Variants in ZNF320 observed in about 807,000 individuals in gnomAD.
The protein encoded by ZNF320 is zinc finger gene 320.
ZNF320 carries 2 observed loss-of-function variants against 6.8 expected under a neutral mutation model. The ratio of observed to expected loss-of-function variants is 0.29; its 90% CI spans 0.12 to 0.93. ZNF320 has a LOEUF of 0.93. Among genes scored for constraint, ZNF320 ranks in the 40% least tolerant of loss-of-function variants. The pLI is 0.55. For synonymous variants in ZNF320, 208 were observed against 203.2 expected, an observed-to-expected ratio of 1.02 and a Z score of -0.20; for missense variants, 472 against 611.0, an observed-to-expected ratio of 0.77 and a Z score of 2.40.
At chr19:52,890,147 A>C in intron 4 of ZNF320, 94 bp downstream of exon 4, 1 of 1,542,704 alleles carries the variant, frequency 6.5e-7, no homozygotes, top group Non-Finnish European at 8.9e-7. Context: ...CCTGTCAGGC[A>C]GGATGCTTCA....
In ZNF320 at chr19:52,880,757, T is replaced by C. The variant is rs1001878850; in HGVS notation, c.1369A>G (p.Ile457Val). The C allele has an allele frequency of 3.1e-6, 5 of 1,613,840 alleles. No individual in the cohort carries two copies. The African/African-American group carries it at 5.3e-5, about 17-fold the overall frequency. The stretch of plus-strand genomic sequence containing the variant: ...CCAGTATGGATTCTCTGATGCCTAA[T>C]AAGGTGTGAAGGTGAATTAAAGGCT... Reference protein sequence around the residue: ...GKAFNSPSHLIRHQRIHTGQK... With the variant: ...GKAFNSPSHLVRHQRIHTGQK... The change falls in exon 6 of 6, where the codon ATT (isoleucine) becomes GTT (valine). Residue 457 changes from isoleucine (I) to valine (V), a missense_variant. Coordinates refer to ENST00000682928, the MANE Select transcript of ZNF320 (RefSeq NM_001351774.2).
rs567527517 is a variant in ZNF320 at position 52,879,739 on chromosome 19, T to C, written c.*857A>G. The C allele has an allele frequency of 6.6e-6, 1 of 152,322 alleles. No homozygotes were observed. The highest frequency in any genetic ancestry group is 2.4e-5 in the African/African-American group (1 of 41,572). 9.4% of individuals were successfully genotyped at this position (152,322 alleles called of 1,614,324 possible). Reference sequence around the variant, plus strand: ...AACTGGAACTAAAAAACATATGCAGTGGATTTGAAGAATAGAATAACAGCA... The same window carrying C: ...AACTGGAACTAAAAAACATATGCAGCGGATTTGAAGAATAGAATAACAGCA... On this transcript the variant is annotated 3_prime_UTR_variant, in exon 6 of 6. Transcript: ENST00000682928.
At chr19:52,860,514 G>C (rs1288265052), downstream of ZNF320, among the ~76,000 whole-genome samples, 5 of 149,170 alleles carry the variant, frequency 3.4e-5, no homozygotes, top group South Asian at 2.1e-4. Flanking sequence ...AAGTAGAATC[G>C]CTTGAACTTG....
At chr19:52,864,293 A>ACAT (rs1467944068) in intron 5 of ZNF320, 2 of 154,810 alleles carry the variant, frequency 1.3e-5, no homozygotes, top group South Asian at 2.0e-4. Flanking sequence ...GTATTTTTGA[A>ACAT]CATCTTTTCT....
At chr19:52,862,723 C>T in exon 6 of ZNF320, 1 of 445,862 alleles carries the variant, frequency 2.2e-6, no homozygotes, top group Non-Finnish European at 4.3e-6. Flanking sequence ...GTGAATTGAG[C>T]CCAAAAACCT....
Position 52,879,053 on chromosome 19 carries a change from C to T in ZNF320, c.*1543G>A, listed in dbSNP as rs956822649. 5.3e-5 allele frequency: 8 copies of T among 152,182 alleles called. No homozygotes were observed. The highest frequency in any genetic ancestry group is 1.9e-4 in the African/African-American group (8 of 41,446). 9.4% of individuals were successfully genotyped at this position (152,182 alleles called of 1,614,324 possible). A position where few individuals can be genotyped will look rare whatever the true frequency, so the allele number is the denominator to read the frequency against. ...AATTTACATTGCCTTGATTGAGTCT[C>T]TTTTCAAACTCATGTCTTACCCATC... On this transcript the variant is annotated 3_prime_UTR_variant, in exon 6 of 6. Coordinates refer to ENST00000682928, the MANE Select transcript of ZNF320 (RefSeq NM_001351774.2).
At chr19:52,885,700 G>A (rs939784040) in intron 5 of ZNF320, among the ~76,000 whole-genome samples, 3 of 151,490 alleles carry the variant, frequency 2.0e-5, no homozygotes, top group Non-Finnish European at 4.4e-5. Context: ...TGGGAAACAG[G>A]AGTGAAACTC....
At chr19:52,887,013 A>G (rs200176960) in intron 5 of ZNF320, among the ~76,000 whole-genome samples, 1 of 143,248 alleles carries the variant, frequency 7.0e-6, no homozygotes, top group African/African-American at 2.6e-5. Flanking sequence ...AAGGAAAAGA[A>G]AAAACAAAAC....
In ZNF320 at chr19:52,877,617, C is replaced by T. The variant is rs1406598947; in HGVS notation, c.*2979G>A. ...TTTAGGGTGGAGATCTTGAGGTTCC[C>T]GGTTTGGGAGGGGCATATGTAGCTT... On this transcript the variant is annotated 3_prime_UTR_variant, in exon 6 of 6. Coordinates refer to ENST00000682928, the MANE Select transcript of ZNF320 (RefSeq NM_001351774.2). The T allele has an allele frequency of 1.3e-5, 2 of 152,142 alleles. No individual in the cohort carries two copies. The highest frequency in any genetic ancestry group is 2.9e-5 in the Non-Finnish European group (2 of 68,034). 9.4% of individuals were successfully genotyped at this position (152,142 alleles called of 1,614,324 possible).
At chr19:52,865,725 T>TTA (rs1210132039) in intron 5 of ZNF320, among the ~76,000 whole-genome samples, 1 of 110,694 alleles carries the variant, frequency 9.0e-6, no homozygotes, top group African/African-American at 3.9e-5. Flanking sequence ...ATACACATAT[T>TTA]TATATATATG....
chr19:52,882,246 G>C (rs1425327615), intron 5 of ZNF320, among the ~76,000 whole-genome samples: 1 of 152,096 alleles, frequency 6.6e-6, no homozygotes, highest in East Asian at 1.9e-4. Flanking sequence ...CTAAAGTAAG[G>C]AGTATTTTTC....
At chr19:52,889,400 C>G (rs1461699409) in intron 4 of ZNF320, among the ~76,000 whole-genome samples, 2 of 151,584 alleles carry the variant, frequency 1.3e-5, no homozygotes, top group Non-Finnish European at 2.9e-5. Context: ...TGCAGTAAGC[C>G]AAGATCATGC....
Position 52,897,579 on chromosome 19 carries a change from G to T in ZNF320, c.-329C>A, listed in dbSNP as rs1006722319. On this transcript the variant is annotated 5_prime_UTR_variant, in exon 1 of 6. Coordinates refer to ENST00000682928, the MANE Select transcript of ZNF320 (RefSeq NM_001351774.2). ...GGGGCCGCAATTTCCAGGTCTGTGG[G>T]GACTCAACGTCCCCGGTATAGCAGC... The T allele has an allele frequency of 6.6e-6, 1 of 152,238 alleles. No homozygotes were observed. The highest frequency in any genetic ancestry group is 2.4e-5 in the African/African-American group (1 of 41,430). The allele number at this position is 152,238 out of a possible 1,614,324, so 9.4% of individuals were successfully genotyped here.
chr19:52,900,810 G>C (rs1482300473), upstream of ZNF320, among the ~76,000 whole-genome samples: 1 of 151,854 alleles, frequency 6.6e-6, no homozygotes, highest in African/African-American at 2.4e-5. Context: ...TTCTTTTTTG[G>C]AGCTAAACAG....
intron 5 of ZNF320, among the ~76,000 whole-genome samples, chr19:52,868,882 A>T (rs140417126): frequency 0.01 from 1,538 of 150,890 alleles, 12 homozygotes; most frequent in African/African-American, 0.016. Flanking sequence ...GGCAGCCTCC[A>T]ATAATTTTGT....
chr19:52,870,081 A>G (rs989058755), intron 5 of ZNF320, among the ~76,000 whole-genome samples: 1 of 151,494 alleles, frequency 6.6e-6, no homozygotes, highest in Non-Finnish European at 1.5e-5. Context: ...TGAACTCCTG[A>G]GAACCTGCCT....
chr19:52,896,367 A>G (rs184503720), intron 1 of ZNF320, among the ~76,000 whole-genome samples: 1 of 152,312 alleles, frequency 6.6e-6, no homozygotes, highest in African/African-American at 2.4e-5. Flanking sequence ...CTGGGATTAC[A>G]GGCATGAGCC....
downstream of ZNF320, among the ~76,000 whole-genome samples, chr19:52,872,421 G>A (rs538164737): frequency 6.6e-6 from 1 of 152,338 alleles, no homozygotes; most frequent in East Asian, 1.9e-4. Flanking sequence ...AAGTATAGAG[G>A]GAGAAAAGTG....
rs1568693947 is a variant in ZNF320 at position 52,866,049 on chromosome 19, TATGATTATACATATATTTA to T, written c.224-1909_224-1891del. Among the ~76,000 whole-genome samples, 5 of 119,786 alleles carry T rather than the reference TATGATTATACATATATTTA, an allele frequency of 4.2e-5. 1 individual carries two copies. Among genetic ancestry groups the T allele is most frequent in the Non-Finnish European group, 6.9e-5 (4 of 57,604 alleles). 78.6% of individuals were successfully genotyped at this position (119,786 alleles called of 152,430 possible). On this transcript the variant is annotated intron_variant, in intron 5 of 5. Coordinates refer to the ZNF320 transcript ENST00000673631. ...ATTTATATATATGATTATACATATA[TATGATTATACATATATTTA>T]TATATATGATTATACATATATTTAT...
Sources: allele counts gnomAD v4.1 joint callset (sites outside exome capture counted in the v4.1 genomes callset), GRCh38; gene constraint gnomAD v4.1.1; transcripts MANE v1.5; gene names NCBI Gene and HGNC (gene_info 2026-07-23, HGNC 2026-07-21).